The following GIPC2 variants were observed in gnomAD, a reference collection of about 807,000 sequenced individuals.
GIPC2 encodes the protein GIPC PDZ domain containing family member 2.
In GIPC2, 30 loss-of-function variants were observed where a neutral mutation model predicts 30.6. The ratio of observed to expected loss-of-function variants is 0.98; its 90% confidence interval spans 0.73 to 1.33. The LOEUF is 1.33. GIPC2 is among the 40% of genes most tolerant of loss of function. GIPC2 has a pLI of 0.00. For synonymous variants in GIPC2, 167 were observed against 150.0 expected, an observed-to-expected ratio of 1.11 and a Z score of -0.83; for missense variants, 414 against 390.3, an observed-to-expected ratio of 1.06 and a Z score of -0.51.
chr1:78,097,961 C>A (rs1662169051), intron 3 of GIPC2, among the ~76,000 whole-genome samples: 3 of 152,298 alleles, frequency 2.0e-5, no homozygotes, highest in Non-Finnish European at 1.5e-5. Context: ...ATATGATACA[C>A]CTACCAAAAT....
rs905764048 is a variant in GIPC2, at chr1:78,135,833, T to C, written c.*90T>C. On this transcript the variant is annotated 3_prime_UTR_variant, in exon 6 of 6. Transcript: ENST00000370759. ...TATAAGATCTGTTTTTGGACACCTT[T>C]ACTAACTCTGGTTTAATTTCATGTG... 35 of 1,007,900 alleles carry C rather than the reference T, an allele frequency of 3.5e-5. No individual in the cohort carries two copies. The highest frequency in any genetic ancestry group is 4.6e-4 in the Middle Eastern group (2 of 4,336). The allele number at this position is 1,007,900 out of a possible 1,614,324, so 62.4% of individuals were successfully genotyped here. A position where few individuals can be genotyped will look rare whatever the true frequency, so the allele number is the denominator to read the frequency against.
chr1:78,100,360 A>T (rs1438093082), intron 3 of GIPC2, among the ~76,000 whole-genome samples: 1 of 152,132 alleles, frequency 6.6e-6, no homozygotes, highest in African/African-American at 2.4e-5. Flanking sequence ...CTTTATTTTA[A>T]TTTTTTTAGT....
chr1:78,124,535 C>T (rs1312572815), intron 4 of GIPC2, among the ~76,000 whole-genome samples: 3 of 152,180 alleles, frequency 2.0e-5, no homozygotes, highest in South Asian at 2.1e-4. Flanking sequence ...AGACCAAAGT[C>T]CTTTTCATGG....
At chr1:78,129,655 G>A (rs567626874) in intron 5 of GIPC2, among the ~76,000 whole-genome samples, 3 of 152,300 alleles carry the variant, frequency 2.0e-5, no homozygotes, top group South Asian at 4.1e-4. Context: ...CTACCAGCCA[G>A]TGTCAACATG....
chr1:78,071,474 G>GTT (rs5775440), intron 1 of GIPC2, among the ~76,000 whole-genome samples: 3 of 145,752 alleles, frequency 2.1e-5, no homozygotes, highest in African/African-American at 5.0e-5. Context: ...CTTCTAGAAG[G>GTT]TTTTTTTTTT....
intron 4 of GIPC2, among the ~76,000 whole-genome samples, chr1:78,125,279 A>T (rs1267617037): frequency 1.3e-5 from 2 of 152,146 alleles, no homozygotes; most frequent in Non-Finnish European, 2.9e-5. Context: ...GGTTCAAGTG[A>T]TCCTCCTGTT....
chr1:78,065,874 C>T (rs12405751), intron 1 of GIPC2, among the ~76,000 whole-genome samples: 44,106 of 151,932 alleles, frequency 0.29, 8,330 homozygotes, highest in Non-Finnish European at 0.41. Context: ...CTTTTCCTTA[C>T]ACCATATACA....
chr1:78,106,417 AGGCATGGTGGC>A (rs1662354430), intron 3 of GIPC2, among the ~76,000 whole-genome samples: 1 of 149,412 alleles, frequency 6.7e-6, no homozygotes, highest in South Asian at 2.1e-4. Context: ...AAAATTAGCC[AGGCATGGTGGC>A]AGGCGCCTGT....
intron 3 of GIPC2, among the ~76,000 whole-genome samples, chr1:78,115,891 A>G (rs1340638975): frequency 6.6e-6 from 1 of 152,242 alleles, no homozygotes; most frequent in Non-Finnish European, 1.5e-5. Context: ...AATATGCAAA[A>G]TTAATATGCA....
At chr1:78,097,018 G>T (rs960997353) in intron 3 of GIPC2, among the ~76,000 whole-genome samples, 1 of 152,058 alleles carries the variant, frequency 6.6e-6, no homozygotes, top group Non-Finnish European at 1.5e-5. Context: ...CTCCAGCCCT[G>T]AATTTTTCTG....
chr1:78,096,846 T>C (rs150502963), intron 3 of GIPC2, among the ~76,000 whole-genome samples: 60 of 152,338 alleles, frequency 3.9e-4, no homozygotes, highest in Middle Eastern at 3.4e-3. Context: ...CATCCAGAGA[T>C]TGACTTTGGA....
In GIPC2 at chr1:78,114,688, C is replaced by G. The variant is rs186134447; in HGVS notation, c.608-4705C>G. Reference sequence around the variant, plus strand: ...GGAGGAGCTCAGAGGATTTTTAGGGCAGTAACACCATTTTGTATAATGCTA... The same window carrying G: ...GGAGGAGCTCAGAGGATTTTTAGGGGAGTAACACCATTTTGTATAATGCTA... On this transcript the variant is annotated intron_variant, in intron 3 of 5. Coordinates refer to ENST00000370759, the MANE Select transcript of GIPC2 (RefSeq NM_017655.6). 1.8e-4 allele frequency among the ~76,000 whole-genome samples: 27 copies of G among 151,886 alleles called. No homozygotes were observed. The East Asian group carries it at 5.0e-3, about 28-fold the overall frequency.
intron 3 of GIPC2, among the ~76,000 whole-genome samples, chr1:78,100,562 A>G (rs1385450449): frequency 1.3e-5 from 2 of 152,082 alleles, no homozygotes; most frequent in African/African-American, 4.8e-5. Context: ...GGGCGAGGAG[A>G]TAGGATAGGA....
intron 4 of GIPC2, among the ~76,000 whole-genome samples, chr1:78,120,445 G>A (rs998452483): frequency 6.6e-6 from 1 of 151,982 alleles, no homozygotes; most frequent in South Asian, 2.1e-4. Context: ...GGCCTTTCCC[G>A]AGCATCCTGT....
intron 3 of GIPC2, among the ~76,000 whole-genome samples, chr1:78,102,991 C>T (rs995055270): frequency 7.2e-5 from 11 of 152,206 alleles, no homozygotes; most frequent in African/African-American, 2.4e-4. Flanking sequence ...ATAATAGTAG[C>T]TGCCATTCGC....
intron 4 of GIPC2, among the ~76,000 whole-genome samples, chr1:78,123,437 A>G (rs1435726498): frequency 6.6e-6 from 1 of 152,096 alleles, no homozygotes; most frequent in Non-Finnish European, 1.5e-5. Context: ...GGTAGGGGTG[A>G]TGAGGCTAGA....
chr1:78,109,347 G>A (rs535194647), intron 3 of GIPC2, among the ~76,000 whole-genome samples: 1 of 152,338 alleles, frequency 6.6e-6, no homozygotes, highest in East Asian at 1.9e-4. Context: ...GATCCGCAGT[G>A]ATCCTTAAAT....
chr1:78,078,061 G>A (rs925188237), intron 1 of GIPC2, among the ~76,000 whole-genome samples: 22 of 149,992 alleles, frequency 1.5e-4, no homozygotes, highest in Non-Finnish European at 2.7e-4. Context: ...AGTGGCGGGC[G>A]CCTGTAGTCC....
intron 5 of GIPC2, among the ~76,000 whole-genome samples, chr1:78,134,344 ATG>A (rs3057093): frequency 0.24 from 35,645 of 148,550 alleles, 4,914 homozygotes; most frequent in East Asian, 0.75. Context: ...GTGTGTATGT[ATG>A]TGTGTGTGTG....
Sources: allele counts gnomAD v4.1 joint callset (sites outside exome capture counted in the v4.1 genomes callset), GRCh38; gene constraint gnomAD v4.1.1; transcripts MANE v1.5; gene names NCBI Gene and HGNC (gene_info 2026-07-23, HGNC 2026-07-21).